Variants in NUP85 observed in about 807,000 individuals in gnomAD.
The protein encoded by NUP85 is nucleoporin 85.
Under a neutral mutation model 92.8 loss-of-function variants are expected in NUP85, and 23 were observed. That is an observed-to-expected ratio of 0.25 (90% confidence interval 0.18 to 0.35). NUP85 has a LOEUF of 0.35. NUP85 is among the 10% of genes least tolerant of loss of function. The pLI is 1.00. For synonymous variants in NUP85, 314 were observed against 306.9 expected (o/e 1.02, Z -0.24); for missense variants, 759 against 822.8 (o/e 0.92, Z 0.95).
chr17:75,229,124 G>C, intron 11 of NUP85: 1 of 985,456 alleles, frequency 1.0e-6, no homozygotes, highest in Non-Finnish European at 1.2e-6. Flanking sequence ...AAAGTATCGA[G>C]CTAAAAGGTG....
At chr17:75,232,767 G>C in intron 14 of NUP85, 84 bp from the exon 15 acceptor site, 1 of 1,230,058 alleles carries the variant, frequency 8.1e-7, no homozygotes, top group Non-Finnish European at 1.2e-6. Context: ...GTGAGGCTGT[G>C]AGGCCACTCC....
intron 18 of NUP85, 79 bp downstream of exon 18, chr17:75,235,280 C>A: frequency 9.8e-7 from 1 of 1,020,978 alleles, no homozygotes; most frequent in African/African-American, 1.6e-5. Context: ...CCCTTCCCTC[C>A]AGAAACACTG....
intron 7 of NUP85, among the ~76,000 whole-genome samples, chr17:75,224,176 GCTGGGACTACAGGCGC>G (rs1166562029): frequency 6.6e-6 from 1 of 152,072 alleles, no homozygotes; most frequent in Non-Finnish European, 1.5e-5. Context: ...CTCCCAAGTA[GCTGGGACTACAGGCGC>G]CTGCCACCAC....
chr17:75,207,170 G>A (rs1270057858), intron 1 of NUP85, among the ~76,000 whole-genome samples: 1 of 151,614 alleles, frequency 6.6e-6, no homozygotes, highest in African/African-American at 2.4e-5. Flanking sequence ...GCTCTCTGGG[G>A]AGATATGTGG....
At chr17:75,213,498 G>A (rs1017667089) in intron 5 of NUP85, among the ~76,000 whole-genome samples, 1 of 151,864 alleles carries the variant, frequency 6.6e-6, no homozygotes, top group Non-Finnish European at 1.5e-5. Flanking sequence ...TCACCATGTT[G>A]GCCAGGCTGG....
chr17:75,230,569 G>A (rs1000768457), intron 11 of NUP85, among the ~76,000 whole-genome samples: 3 of 152,004 alleles, frequency 2.0e-5, no homozygotes, highest in East Asian at 3.9e-4. Context: ...CCGTGTTAGC[G>A]AAGATGGTCT....
Position 75,235,742 on chromosome 17 carries a change from G to A in NUP85, c.*63G>A. The A allele has an allele frequency of 1.6e-6, 2 of 1,289,256 alleles. No homozygotes were observed. The highest frequency in any genetic ancestry group is 2.2e-6 in the Non-Finnish European group (2 of 896,894). 79.9% of individuals were successfully genotyped at this position (1,289,256 alleles called of 1,614,324 possible). A position where few individuals can be genotyped will look rare whatever the true frequency, so the allele number is the denominator to read the frequency against. ...TATAGATTTTTTTAAAAGAATAAAT[G>A]TTGTTTTGCAAATGTAGGTTCTTAG... On this transcript the variant is annotated 3_prime_UTR_variant, in exon 19 of 19. Coordinates refer to ENST00000245544, the MANE Select transcript of NUP85 (RefSeq NM_024844.5).
Position 75,225,248 on chromosome 17 carries a change from G to A in NUP85, c.732+11G>A. ...ATGCCCATTCTTAGTGTACGTGGGG[G>A]TAGCTTTGCTCTGCTGGGTCACAGG... On this transcript the variant is annotated intron_variant, in intron 8 of 18. Coordinates refer to ENST00000245544, the MANE Select transcript of NUP85 (RefSeq NM_024844.5). The A allele has an allele frequency of 1.2e-6, 2 of 1,604,962 alleles. No individual in the cohort carries two copies. The highest frequency in any genetic ancestry group is 1.7e-6 in the Non-Finnish European group (2 of 1,173,752).
At chr17:75,218,419 T>C in intron 7 of NUP85, 113 bp downstream of exon 7, 1 of 1,319,814 alleles carries the variant, frequency 7.6e-7, no homozygotes, top group Non-Finnish European at 1.1e-6. Flanking sequence ...TTTTGGAGTC[T>C]GTTACTATGG....
In NUP85 at chr17:75,225,207, G is replaced by A. The variant is rs374138636; in HGVS notation, c.702G>A (p.Gly234=). The change falls in exon 8 of 19, where the codon GGG becomes GGA. Residue 234 remains glycine (G), a synonymous_variant. Coordinates refer to ENST00000245544, the MANE Select transcript of NUP85 (RefSeq NM_024844.5). ...PASAGICRIM[G]DLMRTMPILS... Reference sequence around the variant, plus strand: ...CTGCAGGCATATGCCGAATCATGGGGGACCTGATGAGGACAATGCCCATTC... The same window carrying A: ...CTGCAGGCATATGCCGAATCATGGGAGACCTGATGAGGACAATGCCCATTC... 6 of 1,609,148 alleles carry A rather than the reference G, an allele frequency of 3.7e-6. No homozygotes were observed. The highest frequency in any genetic ancestry group is 2.2e-5 in the South Asian group (2 of 90,490).
At position 75,234,759 on chromosome 17, in the gene NUP85, G is replaced by C; in HGVS notation, c.1738G>C (p.Asp580His). ...PRSFWMTLLT[D>H]ALPLLEQKQV... ...GTCTTTCTGGATGACTCTGCTGACAGACGCCTTGCCCCTTTTGGAACAGAA... is the reference window on the plus strand; with the variant it reads ...GTCTTTCTGGATGACTCTGCTGACACACGCCTTGCCCCTTTTGGAACAGAA... Residue 580 changes from aspartate to histidine, a missense_variant, in exon 17 of 19, where the codon GAC becomes CAC. Coordinates refer to ENST00000245544, the MANE Select transcript of NUP85 (RefSeq NM_024844.5). 6.2e-7 allele frequency: 1 copy of C among 1,614,192 alleles called. No homozygotes were observed. The highest frequency in any genetic ancestry group is 8.5e-7 in the Non-Finnish European group (1 of 1,180,044).
At chr17:75,220,068 G>C (rs1308643432) in intron 7 of NUP85, among the ~76,000 whole-genome samples, 3 of 152,160 alleles carry the variant, frequency 2.0e-5, no homozygotes, top group Non-Finnish European at 2.9e-5. Flanking sequence ...AACATGGTCT[G>C]TGGTGCCACA....
At chr17:75,229,820 C>T (rs8064824) in intron 11 of NUP85, among the ~76,000 whole-genome samples, 7,522 of 152,124 alleles carry the variant, frequency 0.049, 621 homozygotes, top group African/African-American at 0.17. Flanking sequence ...TGGTGGCTTT[C>T]GTGCAGGCTA....
intron 17 of NUP85, 81 bp from the exon 18 acceptor site, chr17:75,235,019 A>T: frequency 8.4e-7 from 1 of 1,183,496 alleles, no homozygotes; most frequent in Non-Finnish European, 1.3e-6. Flanking sequence ...TGAAAGGAAG[A>T]ACGTCCGAAC....
chr17:75,219,013 C>T (rs1050128127), intron 7 of NUP85, among the ~76,000 whole-genome samples: 3 of 152,046 alleles, frequency 2.0e-5, no homozygotes, highest in Non-Finnish European at 4.4e-5. Flanking sequence ...GTCAGCATGT[C>T]GTATATGTGT....
At chr17:75,228,036 C>CA (rs35152125) in intron 11 of NUP85, 1 of 203,450 alleles carries the variant, frequency 4.9e-6, no homozygotes, top group East Asian at 1.9e-4. Flanking sequence ...TAAAAACACA[C>CA]AAACACACCA....
rs562092512 is a variant in NUP85, at chr17:75,215,855, A to C, written c.475+32A>C. 1.9e-6 allele frequency: 3 copies of C among 1,553,176 alleles called. No individual in the cohort carries two copies. In the African/African-American group the frequency reaches 4.1e-5, roughly 21 times the overall value. ...ATGGAATATCTCACCATAATCTCAT[A>C]GGTGTCCCCTTCCATCTTCTGCTCT... is the stretch of plus-strand genomic sequence containing the variant. On this transcript the variant is annotated intron_variant, in intron 6 of 18. Coordinates refer to ENST00000245544, the MANE Select transcript of NUP85 (RefSeq NM_024844.5).
Position 75,233,142 on chromosome 17 carries a change from C to A in NUP85, c.1599C>A (p.Asp533Glu). 1 of 1,614,008 alleles carries A rather than the reference C, an allele frequency of 6.2e-7. No homozygotes were observed. The part of the protein sequence containing the change: ...DNLGPAMMLS[D>E]RLTFLGKYRE... Reference sequence around the variant, plus strand: ...TGGGGCCAGCCATGATGCTCAGTGACCGACTGACATTCCTGGGTGAGTCTC... The same window carrying A: ...TGGGGCCAGCCATGATGCTCAGTGAACGACTGACATTCCTGGGTGAGTCTC... Residue 533 changes from aspartate (D) to glutamate (E), a missense_variant, in exon 16 of 19, where the codon GAC (aspartate) becomes GAA (glutamate). Coordinates refer to ENST00000245544, the MANE Select transcript of NUP85 (RefSeq NM_024844.5).
rs2076070703 is a variant in NUP85, at chr17:75,231,784, C to T, written c.1245-44C>T. On this transcript the variant is annotated intron_variant, in intron 13 of 18. Coordinates refer to ENST00000245544, the MANE Select transcript of NUP85 (RefSeq NM_024844.5). The surrounding 1 kb of genome is among the most constrained non-coding windows in gnomAD (Gnocchi z 4.6). ...GAGCTGTAGGTGCCAGTCCTCGGAGCCATGAGGCAGCACCTCATGTCTGTC... is the reference window on the plus strand; with the variant it reads ...GAGCTGTAGGTGCCAGTCCTCGGAGTCATGAGGCAGCACCTCATGTCTGTC... 6 of 1,610,540 alleles carry T rather than the reference C, an allele frequency of 3.7e-6. No homozygotes were observed. The highest frequency in any genetic ancestry group is 5.1e-6 in the Non-Finnish European group (6 of 1,177,376).
Sources: allele counts gnomAD v4.1 joint callset (sites outside exome capture counted in the v4.1 genomes callset), GRCh38; gene constraint gnomAD v4.1.1; non-coding constraint Gnocchi (gnomAD v3.1); transcripts MANE v1.5; gene names NCBI Gene and HGNC (gene_info 2026-07-23, HGNC 2026-07-21).